Variants in SLU7 observed in about 807,000 individuals in gnomAD.
SLU7 encodes the protein pre-mRNA-splicing factor SLU7.
In SLU7, 60 loss-of-function variants were observed where a neutral mutation model predicts 87.0. The ratio of observed to expected loss-of-function variants is 0.69; its 90% CI spans 0.56 to 0.86. The LOEUF (loss-of-function observed/expected upper bound fraction) is 0.86. Ranked by LOEUF, SLU7 falls within the 40% of genes least tolerant of loss-of-function variation. SLU7 has a pLI of 0.00. For synonymous variants in SLU7, 197 were observed against 222.0 expected (o/e 0.89, Z 1.00); for missense variants, 507 against 686.6 (o/e 0.74, Z 2.92).
chr5:160,412,800 C>T (rs1332458318), intron 5 of SLU7, among the ~76,000 whole-genome samples: 1 of 151,962 alleles, frequency 6.6e-6, no homozygotes, highest in Non-Finnish European at 1.5e-5. Context: ...CAAGCCCTGA[C>T]AAAAACAAGC....
At chr5:160,405,544 T>C (rs79292720) in intron 12 of SLU7, among the ~76,000 whole-genome samples, 1,774 of 151,646 alleles carry the variant, frequency 0.012, 13 homozygotes, top group Middle Eastern at 0.02. Flanking sequence ...GTCTGGCTCC[T>C]ATAGGGAGTT....
rs751117428 is a variant in SLU7, at chr5:160,403,398, GC to G, written c.1647del (p.Lys549AsnfsTer23). 1 of 1,613,060 alleles carries G rather than the reference GC, an allele frequency of 6.2e-7. No homozygotes were observed. Among genetic ancestry groups the G allele is most frequent in the South Asian group, 1.1e-5 (1 of 90,834 alleles). On this transcript the variant is annotated frameshift_variant, in exon 16 of 16. Coordinates refer to ENST00000297151, the MANE Select transcript of SLU7 (RefSeq NM_006425.5). LOFTEE classifies it high-confidence loss of function. ...VKETMQIDER[K>X]RPYNSMYETR... ...GTTTCATACATGCTATTGTAAGGCC[GC>G]TTCCTCTCATCAATCTGCATGGTCT...
chr5:160,406,363 T>TTA, intron 12 of SLU7, 105 bp downstream of exon 12: 3 of 877,742 alleles, frequency 3.4e-6, no homozygotes, highest in Non-Finnish European at 1.6e-6. Context: ...TTTTTTTTTT[T>TTA]AAAGCATAGA....
chr5:160,414,190 G>T, intron 3 of SLU7, 129 bp downstream of exon 3: 1 of 800,968 alleles, frequency 1.2e-6, no homozygotes, highest in Non-Finnish European at 1.9e-6. Flanking sequence ...GTAATGCACT[G>T]TGAATTTCAA....
Position 160,407,849 on chromosome 5 carries a change from G to T in SLU7, c.918-36C>A. 3 of 1,558,178 alleles carry T rather than the reference G, an allele frequency of 1.9e-6. No homozygotes were observed. Among genetic ancestry groups the T allele is most frequent in the South Asian group, 1.1e-5 (1 of 88,860 alleles). ...AAATAAAGAAAATGTTTCAGAGATT[G>T]ATTTAAGGAAAATTAATTCGTAAAA... On this transcript the variant is annotated intron_variant, in intron 9 of 15. Coordinates refer to ENST00000297151, the MANE Select transcript of SLU7 (RefSeq NM_006425.5). The surrounding 1 kb of genome is among the most constrained non-coding windows in gnomAD (Gnocchi z 4.2).
chr5:160,408,045 A>T lies in SLU7; in HGVS notation c.843T>A (p.Asn281Lys). 6.2e-7 allele frequency: 1 copy of T among 1,611,218 alleles called. No homozygotes were observed. The highest frequency in any genetic ancestry group is 1.3e-5 in the African/African-American group (1 of 75,004). ...TAGTTTTTGGATCATAGTAGGCAGAATTTGGATCTAAATTCCTCAAATACT... is the reference window on the plus strand; with the variant it reads ...TAGTTTTTGGATCATAGTAGGCAGATTTTGGATCTAAATTCCTCAAATACT... ...IAKYLRNLDP[N>K]SAYYDPKTRA... is the part of the protein sequence containing the mutation. The change falls in exon 9 of 16, where the codon AAT becomes AAA. Residue 281 changes from asparagine (N) to lysine (K), a missense_variant. Transcript: ENST00000297151.
In SLU7 at chr5:160,403,025, AT is replaced by A; in HGVS notation, c.*259del. ...GCAAGACTCCGTCTCAAAAAAAAAAATAAATAAATAAAAAAAACTGGAAATA... is the reference window on the plus strand; with the variant it reads ...GCAAGACTCCGTCTCAAAAAAAAAAAAAATAAATAAAAAAAACTGGAAATA... On this transcript the variant is annotated 3_prime_UTR_variant, in exon 16 of 16. Transcript: ENST00000297151. 3.7e-5 allele frequency: 9 copies of A among 241,158 alleles called. No homozygotes were observed. Among genetic ancestry groups the A allele is most frequent in the African/African-American group, 1.1e-4 (5 of 44,644 alleles). The allele number at this position is 241,158 out of a possible 1,614,324, so 14.9% of individuals were successfully genotyped here. A position where few individuals can be genotyped will look rare whatever the true frequency, so the allele number is the denominator to read the frequency against.
In SLU7 at chr5:160,408,315, C is replaced by G. The variant is rs1765090462; in HGVS notation, c.819+14G>C. On this transcript the variant is annotated intron_variant, in intron 8 of 15. Transcript: ENST00000297151. The stretch of plus-strand genomic sequence containing the variant: ...GTATTTTTCAAATATGTATGTTAAG[C>G]TGACAAGACTTACTTTTGCAATATC... 6.2e-7 allele frequency: 1 copy of G among 1,601,562 alleles called. No homozygotes were observed. Among genetic ancestry groups the G allele is most frequent in the Non-Finnish European group, 8.5e-7 (1 of 1,174,120 alleles).
chr5:160,409,889 C>T (rs958329300), intron 6 of SLU7, among the ~76,000 whole-genome samples: 9 of 152,200 alleles, frequency 5.9e-5, no homozygotes, highest in Middle Eastern at 6.8e-3. Flanking sequence ...CACACACATA[C>T]ACAAAAGAGT....
At chr5:160,411,597 G>A (rs570634101) in intron 6 of SLU7, among the ~76,000 whole-genome samples, 3 of 152,258 alleles carry the variant, frequency 2.0e-5, no homozygotes, top group African/African-American at 7.2e-5. Flanking sequence ...CTCGGTAACT[G>A]CTTACTTGGT....
chr5:160,403,827 G>A lies in SLU7; in HGVS notation c.1582-363C>T, dbSNP rs376894496. 1.1e-4 allele frequency among the ~76,000 whole-genome samples: 17 copies of A among 152,216 alleles called. No individual in the cohort carries two copies. The East Asian group carries it at 2.3e-3, about 21-fold the overall frequency. ...GGACTTGCCAAAACTTACAAACTAC[G>A]GAGCTAGAAGGCAATTCTTTCCGGT... On this transcript the variant is annotated intron_variant, in intron 15 of 15. Transcript: ENST00000297151.
At chr5:160,417,945 C>T (rs762582088) in intron 1 of SLU7, among the ~76,000 whole-genome samples, 2 of 152,196 alleles carry the variant, frequency 1.3e-5, no homozygotes. Flanking sequence ...TCCTTCTCTA[C>T]TAACTACATA....
intron 3 of SLU7, 24 bp from the exon 4 acceptor site, chr5:160,414,003 C>A: frequency 7.3e-7 from 1 of 1,378,866 alleles, no homozygotes. Context: ...TAAAGAAAAA[C>A]AAAAATGTCT....
rs1764870570 is a variant in SLU7 at position 160,403,413 on chromosome 5, T to C, written c.1633A>G (p.Ile545Val). 6.2e-7 allele frequency: 1 copy of C among 1,613,072 alleles called. No homozygotes were observed. Among genetic ancestry groups the C allele is most frequent in the Middle Eastern group, 1.7e-4 (1 of 6,058 alleles). ...RLLHVKETMQ[I>V]DERKRPYNSM... ...TTGTAAGGCCGCTTCCTCTCATCAA[T>C]CTGCATGGTCTCCTTGACATGAAGA... The change falls in exon 16 of 16, where the codon ATT becomes GTT. Residue 545 changes from isoleucine to valine, a missense_variant. Ile to Val is a conservative substitution (Grantham distance 29, BLOSUM62 3). Transcript: ENST00000297151.
At chr5:160,415,641 A>ATCTC (rs1765420251) in intron 1 of SLU7, among the ~76,000 whole-genome samples, 1 of 152,200 alleles carries the variant, frequency 6.6e-6, no homozygotes, top group Non-Finnish European at 1.5e-5. Flanking sequence ...AGAGGGTCCT[A>ATCTC]TCTCTGTACC....
chr5:160,408,188 C>T, intron 8 of SLU7, 120 bp from the exon 9 acceptor site: 3 of 1,158,622 alleles, frequency 2.6e-6, no homozygotes, highest in Non-Finnish European at 3.7e-6. Context: ...TTCTGGGGTT[C>T]AGGTGAAGAG....
At position 160,405,578 on chromosome 5, in the gene SLU7, G is replaced by C. The variant is rs1358115087; in HGVS notation, c.1288-443C>G. ...TTAGGTTTTTGACCCTCAACTAAGA[G>C]AGACAATTGTAGTTTGGTTACTTCA... On this transcript the variant is annotated intron_variant, in intron 12 of 15. Coordinates refer to ENST00000297151, the MANE Select transcript of SLU7 (RefSeq NM_006425.5). Among the ~76,000 whole-genome samples the C allele has an allele frequency of 2.3e-5, 3 of 130,334 alleles. No individual in the cohort carries two copies. The East Asian group carries it at 6.0e-4, about 26-fold the overall frequency. 85.5% of individuals were successfully genotyped at this position (130,334 alleles called of 152,430 possible). A position where few individuals can be genotyped will look rare whatever the true frequency, so the allele number is the denominator to read the frequency against.
chr5:160,410,134 T>C (rs188529061), intron 6 of SLU7, among the ~76,000 whole-genome samples: 1 of 152,310 alleles, frequency 6.6e-6, no homozygotes, highest in Admixed American at 6.5e-5. Context: ...AAGAAACATT[T>C]TGTATTCTAG....
intron 6 of SLU7, among the ~76,000 whole-genome samples, chr5:160,410,269 T>C (rs906711619): frequency 6.6e-6 from 1 of 152,204 alleles, no homozygotes; most frequent in African/African-American, 2.4e-5. Context: ...TTAATATGTG[T>C]TACTTTCAAA....
Sources: gnomAD v4.1 joint callset for allele counts (sites outside exome capture counted in the v4.1 genomes callset) on GRCh38, gnomAD v4.1.1 for gene constraint, Gnocchi (gnomAD v3.1) non-coding constraint, MANE v1.5 for transcripts, NCBI Gene and HGNC (gene_info 2026-07-23, HGNC 2026-07-21) for gene names.